The following FAM234B variants were observed in gnomAD, a reference collection of about 807,000 sequenced individuals.
The protein encoded by FAM234B is family with sequence similarity 234 member B.
FAM234B carries 33 observed loss-of-function variants against 69.3 expected under a neutral mutation model. That is an observed-to-expected ratio of 0.48 (90% CI 0.36 to 0.64). The LOEUF is 0.64. FAM234B is among the 30% of genes least tolerant of loss of function. The probability of loss-of-function intolerance (pLI) is 0.00; values close to 1 mark genes in which losing one functional copy is unlikely to be tolerated. For synonymous variants in FAM234B, 306 were observed against 306.9 expected, an observed-to-expected ratio of 1.00 and a Z score of 0.03; for missense variants, 697 against 769.7, an observed-to-expected ratio of 0.91 and a Z score of 1.12.
chr12:13,066,795 G>C lies in FAM234B; in HGVS notation c.1000+8G>C, dbSNP rs750508522. 6.2e-7 allele frequency: 1 copy of C among 1,610,498 alleles called. No individual in the cohort carries two copies. The highest frequency in any genetic ancestry group is 8.5e-7 in the Non-Finnish European group (1 of 1,178,234). On this transcript the variant is annotated splice_region_variant and intron_variant, in intron 6 of 12. Coordinates refer to ENST00000197268, the MANE Select transcript of FAM234B (RefSeq NM_020853.2). ...ACATCCTGTTTGGCTTTGGTAAGAA[G>C]CAAGGCTAGTTTTTGCTCCTGTTCC... is the stretch of plus-strand genomic sequence containing the variant.
Position 13,076,091 on chromosome 12 carries a change from C to T in FAM234B, c.1590C>T (p.Pro530=), listed in dbSNP as rs112465303. The T allele has an allele frequency of 5.7e-4, 924 of 1,614,222 alleles. 4 individuals carry two copies. In the African/African-American group the frequency reaches 0.011, roughly 19 times the overall value. Residue 530 remains proline, a synonymous_variant, in exon 11 of 13, where the codon CCC becomes CCT. Coordinates refer to ENST00000197268, the MANE Select transcript of FAM234B (RefSeq NM_020853.2). The part of the protein sequence containing the change: ...HHLYLLHPAF[P]SILLDLANTT... ...TTTACCTCCTGCATCCTGCGTTCCC[C>T]TCCATCCTTCTGGATCTGGCCAACA...
At chr12:13,055,008 A>G (rs1311518110) in intron 1 of FAM234B, among the ~76,000 whole-genome samples, 1 of 152,244 alleles carries the variant, frequency 6.6e-6, no homozygotes, top group Non-Finnish European at 1.5e-5. Context: ...TGAGATTTCA[A>G]TACATCTTCA....
rs562572419 is a variant in FAM234B, at chr12:13,058,558, C to T, written c.532+9C>T. On this transcript the variant is annotated intron_variant, in intron 3 of 12. Transcript: ENST00000197268. ...GAACGGGAGTGCAGTAGGTAAGAGA[C>T]GTGTTTTTTTCAAGGCTGCTACAGG... 5.8e-5 allele frequency: 92 copies of T among 1,599,578 alleles called. No individual in the cohort carries two copies. The East Asian group carries it at 1.3e-3, about 23-fold the overall frequency.
At chr12:13,052,514 G>A (rs1864886961) in intron 1 of FAM234B, among the ~76,000 whole-genome samples, 1 of 152,062 alleles carries the variant, frequency 6.6e-6, no homozygotes, top group Non-Finnish European at 1.5e-5. Flanking sequence ...ATACAGTTCA[G>A]TATTAACTGT....
chr12:13,080,534 A>G (rs1865213305), intron 12 of FAM234B, 91 bp from the exon 13 acceptor site: 2 of 1,054,572 alleles, frequency 1.9e-6, no homozygotes, highest in East Asian at 4.8e-5. Flanking sequence ...ACGGGAAAAT[A>G]GAGAAATATT....
At chr12:13,077,768 G>A (rs1164991872) in intron 11 of FAM234B, among the ~76,000 whole-genome samples, 2 of 152,128 alleles carry the variant, frequency 1.3e-5, no homozygotes, top group African/African-American at 4.8e-5. Context: ...ATGATTTATA[G>A]TCTTTTGGGT....
chr12:13,056,600 A>G (rs1864932417), intron 2 of FAM234B, among the ~76,000 whole-genome samples: 3 of 152,136 alleles, frequency 2.0e-5, no homozygotes, highest in Non-Finnish European at 4.4e-5. Flanking sequence ...TTGATCTAGA[A>G]ATGTTTATCT....
chr12:13,053,093 A>C (rs1864892679), intron 1 of FAM234B, among the ~76,000 whole-genome samples: 1 of 152,212 alleles, frequency 6.6e-6, no homozygotes, highest in South Asian at 2.1e-4. Flanking sequence ...TTAAGTTTCT[A>C]ATAATTGATT....
At chr12:13,048,524 T>A (rs746870697) in intron 1 of FAM234B, among the ~76,000 whole-genome samples, 36,198 of 151,746 alleles carry the variant, frequency 0.24, 5,269 homozygotes, top group East Asian at 0.53. Context: ...TGTTATCCTC[T>A]TTTCTGTTAT....
chr12:13,077,771 T>C (rs1238325089), intron 11 of FAM234B, among the ~76,000 whole-genome samples: 4 of 152,204 alleles, frequency 2.6e-5, no homozygotes, highest in African/African-American at 4.8e-5. Flanking sequence ...ATTTATAGTC[T>C]TTTGGGTATA....
intron 4 of FAM234B, 125 bp from the exon 5 acceptor site, chr12:13,062,719 GT>G: frequency 1.1e-6 from 1 of 934,818 alleles, no homozygotes; most frequent in Non-Finnish European, 1.6e-6. Context: ...AAGGCAATAA[GT>G]AGGTAGGAGT....
intron 11 of FAM234B, among the ~76,000 whole-genome samples, 158 bp from the exon 12 acceptor site, chr12:13,079,631 C>T (rs1365066932): frequency 6.6e-6 from 1 of 152,236 alleles, no homozygotes. Flanking sequence ...CCCCTCTTTG[C>T]ACCCGTGGGC....
rs1042331789 is a variant in FAM234B, at chr12:13,073,078, C to T, written c.1524+1682C>T. 3.0e-4 allele frequency among the ~76,000 whole-genome samples: 46 copies of T among 152,026 alleles called. 3 individuals carry two copies. Among genetic ancestry groups the T allele is most frequent in the South Asian group, 6.2e-4 (3 of 4,816 alleles). On this transcript the variant is annotated intron_variant, in intron 10 of 12. Coordinates refer to ENST00000197268, the MANE Select transcript of FAM234B (RefSeq NM_020853.2). Reference sequence around the variant, plus strand: ...GAAGAACTCTCTGGTGAAGCTTTCCCAGGTGTTTTTCTGCTAAAGCTTTGG... The same window carrying T: ...GAAGAACTCTCTGGTGAAGCTTTCCTAGGTGTTTTTCTGCTAAAGCTTTGG...
At chr12:13,046,055 C>T (rs1222420130) in intron 1 of FAM234B, among the ~76,000 whole-genome samples, 2 of 152,116 alleles carry the variant, frequency 1.3e-5, no homozygotes, top group Non-Finnish European at 2.9e-5. Flanking sequence ...GCAGCTTGGC[C>T]CTGAGCCCTG....
At chr12:13,063,009 T>C (rs1161358502) in intron 5 of FAM234B, 34 bp downstream of exon 5, 2 of 1,609,016 alleles carry the variant, frequency 1.2e-6, no homozygotes, top group Non-Finnish European at 1.7e-6. Flanking sequence ...TTGTTTCTTA[T>C]AGGGACTGCT....
At chr12:13,076,921 C>T (rs947239508) in intron 11 of FAM234B, among the ~76,000 whole-genome samples, 4 of 152,192 alleles carry the variant, frequency 2.6e-5, no homozygotes, top group Admixed American at 2.0e-4. Context: ...GGGAGAGGAC[C>T]AGATGACCAC....
intron 1 of FAM234B, among the ~76,000 whole-genome samples, chr12:13,049,144 G>A (rs1281156396): frequency 1.3e-5 from 2 of 152,214 alleles, no homozygotes; most frequent in Non-Finnish European, 2.9e-5. Context: ...AGACAGTAAT[G>A]TGTCTACCTC....
chr12:13,071,417 CCCTTTTTT>C, intron 10 of FAM234B, 21 bp downstream of exon 10: 1 of 1,610,952 alleles, frequency 6.2e-7, no homozygotes, highest in Non-Finnish European at 8.5e-7. Context: ...CTGGGAGGGT[CCCTTTTTT>C]ACTTTGTCAG....
At chr12:13,075,708 G>A (rs1476356123) in intron 10 of FAM234B, among the ~76,000 whole-genome samples, 22 of 150,032 alleles carry the variant, frequency 1.5e-4, no homozygotes, top group Admixed American at 5.3e-4. Flanking sequence ...TGCCCACCTC[G>A]GCCTCCTAAA....
Sources: gnomAD v4.1 joint callset for allele counts (sites outside exome capture counted in the v4.1 genomes callset) on GRCh38, gnomAD v4.1.1 for gene constraint, MANE v1.5 for transcripts, NCBI Gene and HGNC (gene_info 2026-07-23, HGNC 2026-07-21) for gene names.